Variants in PARP1 observed in about 807,000 individuals in gnomAD.
PARP1 encodes poly(ADP-ribose) polymerase 1, also known as poly [ADP-ribose] polymerase 1.
PARP1 carries 44 observed loss-of-function variants against 118.7 expected under a neutral mutation model. That is an observed-to-expected ratio of 0.37 (90% CI 0.29 to 0.48). The LOEUF is 0.48. Among genes scored for constraint, PARP1 ranks in the 20% least tolerant of loss-of-function variants. The probability of loss-of-function intolerance (pLI) is 0.99; values close to 1 mark genes in which losing one functional copy is unlikely to be tolerated. For missense variants in PARP1, 1,100 were observed against 1,272.4 expected, an observed-to-expected ratio of 0.86 and a Z score of 2.06; for synonymous variants, 492 against 483.2, an observed-to-expected ratio of 1.02 and a Z score of -0.24.
chr1:226,403,352 G>A (rs1445507342), intron 1 of PARP1, among the ~76,000 whole-genome samples: 3 of 152,186 alleles, frequency 2.0e-5, no homozygotes, highest in Admixed American at 1.3e-4. Flanking sequence ...GCTAATTTTT[G>A]TATTGTTAGT....
chr1:226,407,474 T>A (rs966630415), intron 1 of PARP1, among the ~76,000 whole-genome samples: 3 of 151,448 alleles, frequency 2.0e-5, no homozygotes, highest in Admixed American at 6.6e-5. Flanking sequence ...AAAGAGACCA[T>A]GTACAATTCC....
At position 226,408,058 on chromosome 1, in the gene PARP1, G is replaced by A. The variant is rs572789133; in HGVS notation, c.-129C>T. On this transcript the variant is annotated 5_prime_UTR_variant, in exon 1 of 23. Coordinates refer to ENST00000366794, the MANE Select transcript of PARP1 (RefSeq NM_001618.4). The stretch of plus-strand genomic sequence containing the variant: ...AGCGGCCAGAGCCGCCACCGAACAC[G>A]CCGCACCGGCCACCGCCGTTCCCTG... 1.4e-5 allele frequency: 18 copies of A among 1,323,388 alleles called. No homozygotes were observed. In the African/African-American group the frequency reaches 1.7e-4, roughly 13 times the overall value. The allele number at this position is 1,323,388 out of a possible 1,614,324, so 82.0% of individuals were successfully genotyped here.
chr1:226,362,103 A>ATGTCACTT lies in PARP1; in HGVS notation c.2849-21_2849-20insAAGTGACA. 2 of 1,395,370 alleles carry ATGTCACTT rather than the reference A, an allele frequency of 1.4e-6. No homozygotes were observed. The highest frequency in any genetic ancestry group is 2.0e-6 in the Non-Finnish European group (2 of 980,364). 86.4% of individuals were successfully genotyped at this position (1,395,370 alleles called of 1,614,324 possible). A position where few individuals can be genotyped will look rare whatever the true frequency, so the allele number is the denominator to read the frequency against. On this transcript the variant is annotated intron_variant, in intron 21 of 22. Transcript: ENST00000366794. ...CCAAACCTGAAAAACAGAAGTCACAAGTGACATGAACTGTGAGTACAGATG... is the reference window on the plus strand; with the variant it reads ...CCAAACCTGAAAAACAGAAGTCACAATGTCACTTGTGACATGAACTGTGAGTACAGATG...
Position 226,368,308 on chromosome 1 carries a change from C to T in PARP1, c.2168G>A (p.Gly723Asp), listed in dbSNP as rs760899958. ...LSEVQQAVSQ[G>D]SSDSQILDLS... ...ATCCAGGATCTGAGAGTCGCTGCTG[C>T]CCTGAGACACCGCCTGGAGAGGAGG... Residue 723 changes from glycine (G) to aspartate (D), a missense_variant, in exon 16 of 23, where the codon GGC becomes GAC. Gly to Asp is a moderately conservative substitution (Grantham distance 94). Transcript: ENST00000366794. The T allele has an allele frequency of 9.9e-6, 16 of 1,614,060 alleles. No homozygotes were observed. Among genetic ancestry groups the T allele is most frequent in the Admixed American group, 1.7e-5 (1 of 60,010 alleles).
chr1:226,389,724 G>C (rs1279485916), intron 4 of PARP1, among the ~76,000 whole-genome samples: 2 of 152,194 alleles, frequency 1.3e-5, no homozygotes, highest in Admixed American at 6.5e-5. Context: ...TATGAACTGA[G>C]ATAATGTGTG....
chr1:226,402,343 G>A lies in PARP1; in HGVS notation c.157C>T (p.His53Tyr). Residue 53 changes from histidine (H) to tyrosine (Y), a missense_variant, in exon 2 of 23, where the codon CAC becomes TAC. By Grantham distance (83) the His-to-Tyr change is moderately conservative. Around this residue, in one of 2 missense-constraint regions of PARP1, gnomAD observed 948 missense variants for 1,031.8 expected, o/e 0.92. Coordinates refer to ENST00000366794, the MANE Select transcript of PARP1 (RefSeq NM_001618.4). ...CCCACCTTCCAGAAGCAGGAGAAGT[G>A]GTACCAGTGTGGGACTTTTCCATCA... ...MFDGKVPHWY[H>Y]FSCFWKVGHS... The A allele has an allele frequency of 6.2e-7, 1 of 1,613,854 alleles. No individual in the cohort carries two copies. Among genetic ancestry groups the A allele is most frequent in the Non-Finnish European group, 8.5e-7 (1 of 1,180,032 alleles).
intron 1 of PARP1, 147 bp from the exon 2 acceptor site, chr1:226,402,526 G>C (rs999253071): frequency 6.5e-6 from 5 of 773,786 alleles, no homozygotes; most frequent in African/African-American, 1.7e-5. Flanking sequence ...GTGAAAGGAG[G>C]ACAGCCTCCG....
intron 1 of PARP1, among the ~76,000 whole-genome samples, chr1:226,405,606 C>T (rs558212900): frequency 2.4e-4 from 36 of 152,226 alleles, no homozygotes; most frequent in African/African-American, 6.3e-4. Flanking sequence ...AAGCCCGGCC[C>T]CAGAATGCTA....
intron 21 of PARP1, 101 bp from the exon 22 acceptor site, chr1:226,362,184 C>CTTTT: frequency 1.7e-6 from 1 of 604,026 alleles, no homozygotes; most frequent in Non-Finnish European, 2.9e-6. Flanking sequence ...TGTGGTCTTT[C>CTTTT]TTTTTTTTTT....
intron 7 of PARP1, among the ~76,000 whole-genome samples, chr1:226,385,018 A>C (rs543202555): frequency 6.6e-5 from 10 of 152,196 alleles, no homozygotes; most frequent in Non-Finnish European, 1.5e-4. Flanking sequence ...GAGGCTCCCC[A>C]TGGAGGTATT....
chr1:226,377,309 G>A lies in PARP1; in HGVS notation c.1746-6C>T, dbSNP rs1664511844. The A allele has an allele frequency of 1.2e-6, 2 of 1,611,454 alleles. No homozygotes were observed. Among genetic ancestry groups the A allele is most frequent in the Admixed American group, 1.7e-5 (1 of 59,984 alleles). ...AGGACCTGAATATCCAATACCTGCA[G>A]TGGGAAGGAGGGTGTCAGATACACA... is the stretch of plus-strand genomic sequence containing the variant. On this transcript the variant is annotated splice_polypyrimidine_tract_variant and splice_region_variant and intron_variant, in intron 12 of 22. Transcript: ENST00000366794.
chr1:226,376,848 G>A (rs1664497697), intron 13 of PARP1, among the ~76,000 whole-genome samples: 1 of 152,178 alleles, frequency 6.6e-6, no homozygotes, highest in Non-Finnish European at 1.5e-5. Flanking sequence ...GTTTCTGCAT[G>A]TCTATTCACA....
chr1:226,385,450 A>T, intron 7 of PARP1, 54 bp downstream of exon 7: 1 of 1,529,358 alleles, frequency 6.5e-7, no homozygotes, highest in South Asian at 1.1e-5. Context: ...AAGCGCAGAA[A>T]GTGGGGCCAG....
intron 21 of PARP1, among the ~76,000 whole-genome samples, 171 bp downstream of exon 21, chr1:226,362,928 A>C (rs549213996): frequency 1.7e-4 from 25 of 151,412 alleles, no homozygotes; most frequent in Middle Eastern, 3.4e-3. Flanking sequence ...AACCACCACC[A>C]CCACCCCCCA....
At chr1:226,392,351 A>G (rs1664836695) in intron 2 of PARP1, 37 bp from the exon 3 acceptor site, 1 of 1,482,428 alleles carries the variant, frequency 6.7e-7, no homozygotes, top group African/African-American at 1.4e-5. Flanking sequence ...TCATCTCAAC[A>G]GCCCCAAAAT....
intron 18 of PARP1, among the ~76,000 whole-genome samples, chr1:226,365,686 G>A (rs373921551): frequency 7.9e-5 from 12 of 151,572 alleles, no homozygotes; most frequent in African/African-American, 2.9e-4. Flanking sequence ...AGAATCACTT[G>A]AACCCAGGAG....
Position 226,368,454 on chromosome 1 carries a change from A to G in PARP1, c.2155-133T>C, listed in dbSNP as rs3219121. On this transcript the variant is annotated intron_variant, in intron 15 of 22. Transcript: ENST00000366794. ...GTGGTATGTGCACATGCCAGGACAC[A>G]TGGGAAACGACCAGAAGACCATCTT... 471 of 1,106,266 alleles carry G rather than the reference A, an allele frequency of 4.3e-4. 3 individuals are homozygous for G. In the East Asian group the frequency reaches 8.9e-3, roughly 21 times the overall value. 68.5% of individuals were successfully genotyped at this position (1,106,266 alleles called of 1,614,324 possible). A position where few individuals can be genotyped will look rare whatever the true frequency, so the allele number is the denominator to read the frequency against.
At chr1:226,380,580 A>G (rs1023238194) in intron 9 of PARP1, among the ~76,000 whole-genome samples, 1 of 152,202 alleles carries the variant, frequency 6.6e-6, no homozygotes, top group Admixed American at 6.5e-5. Flanking sequence ...GTTTTGGCAG[A>G]TATCTATGCA....
intron 2 of PARP1, among the ~76,000 whole-genome samples, chr1:226,396,486 T>C (rs1196272882): frequency 6.8e-6 from 1 of 147,638 alleles, no homozygotes; most frequent in Non-Finnish European, 1.5e-5. Flanking sequence ...AGAAAGAAAA[T>C]CAAGCACACT....
Sources: allele counts gnomAD v4.1 joint callset (sites outside exome capture counted in the v4.1 genomes callset), GRCh38; gene constraint gnomAD v4.1.1; regional missense constraint gnomAD v4.1.1; transcripts MANE v1.5; gene names NCBI Gene and HGNC (gene_info 2026-07-23, HGNC 2026-07-21).